JRK: variants seen among roughly 807,000 people sequenced by gnomAD.
JRK encodes jerky protein homolog.
For synonymous variants in JRK, 303 were observed against 218.1 expected (o/e 1.39, Z -3.43); for missense variants, 720 against 509.2 (o/e 1.41, Z -3.98).
In JRK at chr8:142,659,255, A is replaced by T. The variant is rs143675033; in HGVS notation, c.*5097T>A. 48 of 1,087,948 alleles carry T rather than the reference A, an allele frequency of 4.4e-5. 1 individual carries two copies. In the East Asian group the frequency reaches 3.2e-3, roughly 73 times the overall value. 67.4% of individuals were successfully genotyped at this position (1,087,948 alleles called of 1,614,324 possible). On this transcript the variant is annotated 3_prime_UTR_variant, in exon 2 of 2. Coordinates refer to ENST00000612905, the MANE Select transcript of JRK (RefSeq NM_003724.4). The stretch of plus-strand genomic sequence containing the variant: ...CTCGAGAGAGGAAATGGGCCCAGGG[A>T]CATGCCTTGGCTTGGGGTGGCTTAG...
In JRK at chr8:142,659,004, G is replaced by T; in HGVS notation, c.*5348C>A. On this transcript the variant is annotated 3_prime_UTR_variant, in exon 2 of 2. Transcript: ENST00000612905. Reference sequence around the variant, plus strand: ...GCGTCAGTATGTCCACACCATAGGGGTGTAGTCACTTCCCTCTGCCAGGGA... The same window carrying T: ...GCGTCAGTATGTCCACACCATAGGGTTGTAGTCACTTCCCTCTGCCAGGGA... The T allele has an allele frequency of 6.4e-7, 1 of 1,554,734 alleles. No homozygotes were observed. Among genetic ancestry groups the T allele is most frequent in the Non-Finnish European group, 8.7e-7 (1 of 1,147,052 alleles).
Position 142,665,309 on chromosome 8 carries a change from C to G in JRK, c.750G>C (p.Leu250=). The G allele has an allele frequency of 1.4e-6, 1 of 717,776 alleles. No homozygotes were observed. Among genetic ancestry groups the G allele is most frequent in the Non-Finnish European group, 2.6e-6 (1 of 385,106 alleles). The allele number at this position is 717,776 out of a possible 1,614,324, so 44.5% of individuals were successfully genotyped here. Residue 250 remains leucine (L), a synonymous_variant, in exon 2 of 2, where the codon CTG becomes CTC. Transcript: ENST00000612905. ...GPRAFKGIQH[L]PVAYKAQGNA... ...TCCCCTGGGCCTTATAGGCGACGGGCAGGTGCTGGATGCCTTTGAAAGCCC... is the reference window on the plus strand; with the variant it reads ...TCCCCTGGGCCTTATAGGCGACGGGGAGGTGCTGGATGCCTTTGAAAGCCC...
chr8:142,652,243 T>C, the JRK span, among the ~76,000 whole-genome samples: 37 of 152,290 alleles, frequency 2.4e-4, no homozygotes, highest in South Asian at 7.3e-3. Context: ...CCAGAAAATC[T>C]GAGACAAGTT....
At chr8:142,651,681 G>A in the JRK span, among the ~76,000 whole-genome samples, 1 of 151,512 alleles carries the variant, frequency 6.6e-6, no homozygotes, top group Non-Finnish European at 1.5e-5. Context: ...AACAAAAACA[G>A]AAACAAACAA....
Position 142,664,675 on chromosome 8 carries a change from C to G in JRK, c.1384G>C (p.Val462Leu), listed in dbSNP as rs74389389. ...PPAATSPAEV[V>L]WSSEKTPKAD... ...TTCGGAGTCTTTTCTGAACTCCACA[C>G]AACCTCTGCTGGCGACGTGGCAGCA... Residue 462 changes from valine to leucine, a missense_variant, in exon 2 of 2, where the codon GTG becomes CTG. By Grantham distance (32) the Val-to-Leu change is conservative. Coordinates refer to ENST00000612905, the MANE Select transcript of JRK (RefSeq NM_003724.4). The G allele has an allele frequency of 1.2e-6, 2 of 1,611,616 alleles. No individual in the cohort carries two copies. Among genetic ancestry groups the G allele is most frequent in the African/African-American group, 2.7e-5 (2 of 75,014 alleles).
downstream of JRK, among the ~76,000 whole-genome samples, chr8:142,655,249 G>T (rs979099282): frequency 1.3e-5 from 2 of 152,226 alleles, no homozygotes; most frequent in Non-Finnish European, 2.9e-5. Context: ...CTCTAGTGGT[G>T]ACCTTGCTGT....
In JRK at chr8:142,660,628, C is replaced by T. The variant is rs1846884664; in HGVS notation, c.*3724G>A. On this transcript the variant is annotated 3_prime_UTR_variant, in exon 2 of 2. Transcript: ENST00000612905. ...TGTTGCCCAGGCTGGTTTCAAACTC[C>T]TGAACTAAAGTGATCCTCCTGCCGT... 4.3e-6 allele frequency: 4 copies of T among 924,192 alleles called. No individual in the cohort carries two copies. The African/African-American group carries it at 7.2e-5, about 17-fold the overall frequency. The allele number at this position is 924,192 out of a possible 1,614,324, so 57.2% of individuals were successfully genotyped here.
At chr8:142,650,905 G>C in the JRK span, among the ~76,000 whole-genome samples, 3 of 152,206 alleles carry the variant, frequency 2.0e-5, no homozygotes, top group African/African-American at 7.2e-5. Flanking sequence ...AAACAAACTT[G>C]TCTGTTTAAA....
chr8:142,669,294 CAGA>C (rs1847244981), intron 1 of JRK, among the ~76,000 whole-genome samples: 1 of 151,020 alleles, frequency 6.6e-6, no homozygotes, highest in Admixed American at 6.6e-5. Context: ...AGCTGGGGGT[CAGA>C]AGGAGAGTAT....
chr8:142,657,094 ACT>A (rs1328044944), downstream of JRK, among the ~76,000 whole-genome samples: 1 of 151,968 alleles, frequency 6.6e-6, no homozygotes, highest in Admixed American at 6.5e-5. Context: ...CAGGCTGGAA[ACT>A]CTGCTCTCTC....
Position 142,659,122 on chromosome 8 carries a change from AG to A in JRK, c.*5229del. 1 of 1,359,364 alleles carries A rather than the reference AG, an allele frequency of 7.4e-7. No homozygotes were observed. Among genetic ancestry groups the A allele is most frequent in the Non-Finnish European group, 9.5e-7 (1 of 1,054,206 alleles). 84.2% of individuals were successfully genotyped at this position (1,359,364 alleles called of 1,614,324 possible). A position where few individuals can be genotyped will look rare whatever the true frequency, so the allele number is the denominator to read the frequency against. ...CAATGAAATAGAAAAAAGGCTGGCC[AG>A]GTGCCAAGTCCCAGCTCAAGCCTGG... On this transcript the variant is annotated 3_prime_UTR_variant, in exon 2 of 2. Transcript: ENST00000612905.
At chr8:142,655,886 G>T (rs1554633590), downstream of JRK, among the ~76,000 whole-genome samples, 1 of 152,046 alleles carries the variant, frequency 6.6e-6, no homozygotes, top group East Asian at 1.9e-4. Context: ...TTGTTCTAGG[G>T]ATCACCATTT....
In JRK at chr8:142,662,796, C is replaced by T. The variant is rs1376111504; in HGVS notation, c.*1556G>A. 3 of 985,240 alleles carry T rather than the reference C, an allele frequency of 3.0e-6. No individual in the cohort carries two copies. The highest frequency in any genetic ancestry group is 1.7e-5 in the African/African-American group (1 of 57,220). 61.0% of individuals were successfully genotyped at this position (985,240 alleles called of 1,614,324 possible). On this transcript the variant is annotated 3_prime_UTR_variant, in exon 2 of 2. Transcript: ENST00000612905. Reference sequence around the variant, plus strand: ...CTGGAATGCAAACTACGTGCTGACTCGGCCAAATGATATGAATTTAAGAGA... The same window carrying T: ...CTGGAATGCAAACTACGTGCTGACTTGGCCAAATGATATGAATTTAAGAGA...
downstream of JRK, among the ~76,000 whole-genome samples, chr8:142,656,948 C>T (rs1174194058): frequency 6.6e-6 from 1 of 152,150 alleles, no homozygotes; most frequent in Non-Finnish European, 1.5e-5. Context: ...ATCTTGTGCC[C>T]AGCACTGCCA....
At position 142,662,567 on chromosome 8, in the gene JRK, G is replaced by A. The variant is rs782087446; in HGVS notation, c.*1785C>T. 87 of 985,292 alleles carry A rather than the reference G, an allele frequency of 8.8e-5. 1 individual carries two copies. In the Admixed American group the frequency reaches 2.4e-3, roughly 27 times the overall value. The allele number at this position is 985,292 out of a possible 1,614,324, so 61.0% of individuals were successfully genotyped here. ...GGAACTGGGACTGTCGTTCAGCACCGAGATCTTTAAAAACTATTTGGCTTT... is the reference window on the plus strand; with the variant it reads ...GGAACTGGGACTGTCGTTCAGCACCAAGATCTTTAAAAACTATTTGGCTTT... On this transcript the variant is annotated 3_prime_UTR_variant, in exon 2 of 2. Transcript: ENST00000612905.
chr8:142,656,342 A>G (rs1434220185), downstream of JRK, among the ~76,000 whole-genome samples: 2 of 152,174 alleles, frequency 1.3e-5, no homozygotes, highest in African/African-American at 4.8e-5. Flanking sequence ...TTTTCTCCTC[A>G]GGAGCACAGC....
Position 142,665,974 on chromosome 8 carries a change from A to AGCTG in JRK, c.84_85insCAGC (p.Cys29GlnfsTer100), listed in dbSNP as rs1554635999. On this transcript the variant is annotated frameshift_variant, in exon 2 of 2. Transcript: ENST00000612905. LOFTEE classifies it low-confidence loss of function (END_TRUNC). The stretch of plus-strand genomic sequence containing the variant: ...CTCTCGCCCTTCTCCAGGCGCGTGC[A>AGCTG]GATGTCAATCTTCTCCTTCAGTGTC... 1 of 1,115,124 alleles carries AGCTG rather than the reference A, an allele frequency of 9.0e-7. No homozygotes were observed. Among genetic ancestry groups the AGCTG allele is most frequent in the Non-Finnish European group, 1.4e-6 (1 of 724,474 alleles). 69.1% of individuals were successfully genotyped at this position (1,115,124 alleles called of 1,614,324 possible).
chr8:142,662,046 G>A lies in JRK; in HGVS notation c.*2306C>T. 1.0e-6 allele frequency: 1 copy of A among 985,456 alleles called. No individual in the cohort carries two copies. The highest frequency in any genetic ancestry group is 1.2e-6 in the Non-Finnish European group (1 of 830,002). 61.0% of individuals were successfully genotyped at this position (985,456 alleles called of 1,614,324 possible). A position where few individuals can be genotyped will look rare whatever the true frequency, so the allele number is the denominator to read the frequency against. The stretch of plus-strand genomic sequence containing the variant: ...GAGGAGCAGGGCCCGAGTCCCCTGG[G>A]TGGCACAAGGGATTCCAGCCACAAG... On this transcript the variant is annotated 3_prime_UTR_variant, in exon 2 of 2. Coordinates refer to ENST00000612905, the MANE Select transcript of JRK (RefSeq NM_003724.4).
chr8:142,662,259 C>G lies in JRK; in HGVS notation c.*2093G>C. 2.0e-6 allele frequency: 2 copies of G among 985,722 alleles called. No homozygotes were observed. The highest frequency in any genetic ancestry group is 2.4e-6 in the Non-Finnish European group (2 of 830,164). 61.1% of individuals were successfully genotyped at this position (985,722 alleles called of 1,614,324 possible). On this transcript the variant is annotated 3_prime_UTR_variant, in exon 2 of 2. Coordinates refer to ENST00000612905, the MANE Select transcript of JRK (RefSeq NM_003724.4). ...ACAGTCTGACAGGGACAAGCCATGT[C>G]CAGAGGACTCAGGAGAGCCAGCCAG...
Sources: allele counts gnomAD v4.1 joint callset (sites outside exome capture counted in the v4.1 genomes callset), GRCh38; gene constraint gnomAD v4.1.1; transcripts MANE v1.5; gene names NCBI Gene and HGNC (gene_info 2026-07-23, HGNC 2026-07-21).